The following OFD1 variants were observed in gnomAD, a reference collection of about 807,000 sequenced individuals.
OFD1 encodes the protein centriole and centriolar satellite protein OFD1.
OFD1 carries 12 observed loss-of-function variants against 81.4 expected under a neutral mutation model. The ratio of observed to expected loss-of-function variants is 0.15; its 90% CI spans 0.09 to 0.24. The LOEUF is 0.24. OFD1 is among the 10% of genes least tolerant of loss of function. The pLI, the probability that OFD1 is intolerant of heterozygous loss-of-function variation, is 1.00. For missense variants in OFD1, 685 were observed against 733.9 expected (o/e 0.93, Z 0.77); for synonymous variants, 256 against 263.7 (o/e 0.97, Z 0.28).
chrX:13,747,950 G>A (rs2047358311), intron 8 of OFD1, among the ~76,000 whole-genome samples: 1 of 111,327 alleles, frequency 9.0e-6, no homozygotes, highest in African/African-American at 3.3e-5. Flanking sequence ...CCTTTCCCAA[G>A]GGCGTGTCTT....
chrX:13,754,562 G>A (rs1475103665), intron 11 of OFD1, among the ~76,000 whole-genome samples: 4 of 110,260 alleles, frequency 3.6e-5, no homozygotes, highest in Non-Finnish European at 7.6e-5. Flanking sequence ...GACTACAGGT[G>A]TGCGCCACCA....
At chrX:13,737,625 C>T (rs184073176) in intron 3 of OFD1, among the ~76,000 whole-genome samples, 126 of 109,979 alleles carry the variant, frequency 1.1e-3, no homozygotes, top group African/African-American at 3.9e-3. Flanking sequence ...TGCCACTGCA[C>T]TCCAGCCTGG....
At chrX:13,770,789 G>T (rs1406929121), downstream of OFD1, among the ~76,000 whole-genome samples, 5 of 112,129 alleles carry the variant, frequency 4.5e-5, no homozygotes, top group Admixed American at 2.8e-4. Flanking sequence ...TTCTTTAATT[G>T]CTGAAGAGAT....
chrX:13,718,485 T>C, the OFD1 span, among the ~76,000 whole-genome samples: 1 of 111,983 alleles, frequency 8.9e-6, no homozygotes, highest in Middle Eastern at 4.6e-3. Flanking sequence ...ACAAAGTATT[T>C]TTATGTGTGC....
At chrX:13,723,716 G>C in the OFD1 span, among the ~76,000 whole-genome samples, 1 of 110,754 alleles carries the variant, frequency 9.0e-6, no homozygotes. Context: ...ACAGAATTTG[G>C]GAATAGATTA....
At chrX:13,737,105 T>C (rs1245244934) in intron 3 of OFD1, among the ~76,000 whole-genome samples, 1 of 110,366 alleles carries the variant, frequency 9.1e-6, no homozygotes, top group East Asian at 2.9e-4. Context: ...AACTTTTAAG[T>C]GACAATGCAG....
downstream of OFD1, chrX:13,772,980 C>T (rs755045438): frequency 1.1e-5 from 13 of 1,207,990 alleles, no homozygotes; most frequent in Non-Finnish European, 1.0e-5. Context: ...GCATTTTGCT[C>T]GCATCCTTTA....
downstream of OFD1, chrX:13,773,135 T>A (rs1332098115): frequency 1.5e-6 from 1 of 646,901 alleles, no homozygotes; most frequent in Non-Finnish European, 2.4e-6. Flanking sequence ...GAAGGTTAAT[T>A]CTGTATTAAT....
At chrX:13,763,552 G>A (rs758762123) in intron 18 of OFD1, among the ~76,000 whole-genome samples, 193 bp from the exon 19 acceptor site, 2 of 112,233 alleles carry the variant, frequency 1.8e-5, no homozygotes, top group African/African-American at 6.5e-5. Context: ...TTTCAACTAC[G>A]AGAACACTCT....
At chrX:13,770,539 G>GT (rs2048277326), downstream of OFD1, among the ~76,000 whole-genome samples, 1 of 112,372 alleles carries the variant, frequency 8.9e-6, no homozygotes, top group Admixed American at 9.4e-5. Flanking sequence ...TTAGAACTAG[G>GT]TTTTTTTGTA....
intron 5 of OFD1, 170 bp downstream of exon 5, chrX:13,739,202 A>G: frequency 4.4e-6 from 2 of 452,997 alleles, no homozygotes; most frequent in South Asian, 7.5e-5. Flanking sequence ...ACTTTTAGAT[A>G]TTCAATTAAA....
the OFD1 span, among the ~76,000 whole-genome samples, chrX:13,726,615 TAGAA>T: frequency 1.8e-5 from 2 of 111,354 alleles, no homozygotes; most frequent in Non-Finnish European, 3.8e-5. Flanking sequence ...GCACTAAACA[TAGAA>T]AGAAACAACC....
rs193131309 is a variant in OFD1, at chrX:13,763,171, C to T, written c.2489-574C>T. ...TAGAGATAAAAGAATATTAAGAGTCCAGAAACTGGTGTCCTGGCTATGGCC... is the reference window on the plus strand; with the variant it reads ...TAGAGATAAAAGAATATTAAGAGTCTAGAAACTGGTGTCCTGGCTATGGCC... On this transcript the variant is annotated intron_variant, in intron 18 of 22. Transcript: ENST00000340096. Among the ~76,000 whole-genome samples the T allele has an allele frequency of 4.4e-5, 5 of 112,542 alleles. No homozygotes were observed. In the East Asian group the frequency reaches 1.4e-3, roughly 31 times the overall value.
intron 6 of OFD1, 42 bp from the exon 7 acceptor site, chrX:13,746,277 C>T (rs768833279): frequency 5.9e-6 from 7 of 1,178,821 alleles, no homozygotes; most frequent in African/African-American, 5.3e-5. Flanking sequence ...ACGCACCTGA[C>T]GATGTTTCTA....
the OFD1 span, chrX:13,714,622 A>G: frequency 2.5e-6 from 1 of 398,068 alleles, no homozygotes; most frequent in Non-Finnish European, 4.3e-6. Flanking sequence ...TCTAAAGACC[A>G]CATTTTTAAG....
intron 13 of OFD1, 50 bp from the exon 14 acceptor site, chrX:13,757,610 A>T: frequency 1.7e-6 from 2 of 1,177,146 alleles, no homozygotes; most frequent in Non-Finnish European, 2.3e-6. Context: ...AAATAAGAAA[A>T]CTTAAGGTTG....
the OFD1 span, among the ~76,000 whole-genome samples, chrX:13,717,569 C>T: frequency 9.1e-6 from 1 of 110,294 alleles, no homozygotes; most frequent in African/African-American, 3.3e-5. Context: ...TGGTGAAATC[C>T]CATCTCTACT....
At chrX:13,766,115 A>G (rs1204371524) in intron 19 of OFD1, among the ~76,000 whole-genome samples, 4 of 112,319 alleles carry the variant, frequency 3.6e-5, no homozygotes, top group African/African-American at 1.3e-4. Context: ...GTGGTGATGT[A>G]GGAAATCAAT....
intron 16 of OFD1, 63 bp downstream of exon 16, chrX:13,760,783 C>T (rs903188915): frequency 2.1e-5 from 25 of 1,181,102 alleles, no homozygotes; most frequent in Non-Finnish European, 2.8e-5. Context: ...CTGCCCACGA[C>T]ACAGGGTTGC....
Sources: gnomAD v4.1 joint callset for allele counts (sites outside exome capture counted in the v4.1 genomes callset) on GRCh38, gnomAD v4.1.1 for gene constraint, MANE v1.5 for transcripts, NCBI Gene and HGNC (gene_info 2026-07-23, HGNC 2026-07-21) for gene names.